CENPK: variants seen among roughly 807,000 people sequenced by gnomAD.
CENPK encodes centromere protein K.
CENPK carries 46 observed loss-of-function variants against 40.9 expected under a neutral mutation model. The ratio of observed to expected loss-of-function variants is 1.13; its 90% CI spans 0.89 to 1.44. The LOEUF is 1.44. CENPK is among the 40% of genes most tolerant of loss of function. CENPK has a pLI of 0.00. For synonymous variants in CENPK, 107 were observed against 104.4 expected (o/e 1.02, Z -0.15); for missense variants, 288 against 303.5 (o/e 0.95, Z 0.38).
chr5:65,506,795 AAAG>A, the CENPK span, among the ~76,000 whole-genome samples: 5 of 152,186 alleles, frequency 3.3e-5, no homozygotes, highest in Non-Finnish European at 5.9e-5. Context: ...AAAAAAAAAA[AAAG>A]TCTTTTAAAA....
chr5:65,544,220 GA>G (rs906776006), intron 5 of CENPK, among the ~76,000 whole-genome samples: 3 of 151,856 alleles, frequency 2.0e-5, no homozygotes, highest in African/African-American at 7.2e-5. Flanking sequence ...GGCAAAAGGG[GA>G]AAAAAAGACT....
chr5:65,549,121 C>A (rs1281727117), intron 5 of CENPK, among the ~76,000 whole-genome samples: 1 of 152,138 alleles, frequency 6.6e-6, no homozygotes, highest in African/African-American at 2.4e-5. Flanking sequence ...GTTGCATCAA[C>A]AGACATGAGA....
At chr5:65,508,430 T>C in the CENPK span, among the ~76,000 whole-genome samples, 3 of 152,282 alleles carry the variant, frequency 2.0e-5, no homozygotes, top group African/African-American at 7.2e-5. Context: ...CAAAACTATC[T>C]CCTTATAACA....
At chr5:65,538,072 C>T (rs1348161884) in intron 6 of CENPK, among the ~76,000 whole-genome samples, 1 of 152,078 alleles carries the variant, frequency 6.6e-6, no homozygotes. Flanking sequence ...TCTTTACCAA[C>T]CCATGTTATT....
chr5:65,545,032 A>G (rs1581033394), intron 5 of CENPK, among the ~76,000 whole-genome samples: 1 of 152,162 alleles, frequency 6.6e-6, no homozygotes, highest in Admixed American at 6.6e-5. Context: ...ATTTTACCAC[A>G]ATTAAAAAAT....
chr5:65,550,165 A>C, intron 5 of CENPK, among the ~76,000 whole-genome samples: 1 of 95,490 alleles, frequency 1.0e-5, no homozygotes, highest in Admixed American at 1.4e-4. Context: ...ACAGAGCAAG[A>C]CTCCATCTCA....
At chr5:65,499,651 CT>C in the CENPK span, among the ~76,000 whole-genome samples, 37 of 125,766 alleles carry the variant, frequency 2.9e-4, no homozygotes, top group African/African-American at 8.0e-4. Context: ...AATATTAGAT[CT>C]TTTTTTTTTT....
the CENPK span, among the ~76,000 whole-genome samples, chr5:65,503,401 C>T: frequency 2.6e-5 from 4 of 152,032 alleles, no homozygotes; most frequent in Non-Finnish European, 4.4e-5. Flanking sequence ...CCATTATGTC[C>T]GGCCTATAAT....
chr5:65,546,597 C>T (rs187006998), intron 5 of CENPK, among the ~76,000 whole-genome samples: 188 of 152,230 alleles, frequency 1.2e-3, no homozygotes, highest in African/African-American at 4.3e-3. Flanking sequence ...ATCCCCAATA[C>T]CTTTGAATAT....
rs377470565 is a variant in CENPK at position 65,527,469 on chromosome 5, T to A, written c.597+983A>T. On this transcript the variant is annotated intron_variant, in intron 9 of 10. Transcript: ENST00000396679. Reference sequence around the variant, plus strand: ...ATTAAACATATTATTATTCAATGATTACTGCAATTTCAAAAGTCTTATTAA... The same window carrying A: ...ATTAAACATATTATTATTCAATGATAACTGCAATTTCAAAAGTCTTATTAA... Among the ~76,000 whole-genome samples, 16 of 133,970 alleles carry A rather than the reference T, an allele frequency of 1.2e-4. No homozygotes were observed. The East Asian group carries it at 3.5e-3, about 29-fold the overall frequency. 87.9% of individuals were successfully genotyped at this position (133,970 alleles called of 152,430 possible).
the CENPK span, among the ~76,000 whole-genome samples, chr5:65,500,579 C>A: frequency 6.6e-6 from 1 of 152,088 alleles, no homozygotes; most frequent in Non-Finnish European, 1.5e-5. Flanking sequence ...TGTCACAGGT[C>A]TTTGAGGCTC....
At chr5:65,525,180 A>G (rs1744462621) in intron 9 of CENPK, among the ~76,000 whole-genome samples, 1 of 152,078 alleles carries the variant, frequency 6.6e-6, no homozygotes, top group Non-Finnish European at 1.5e-5. Flanking sequence ...CCAATATGGT[A>G]AAATTCCATC....
intron 6 of CENPK, among the ~76,000 whole-genome samples, chr5:65,537,794 T>C (rs75909203): frequency 0.2 from 30,078 of 152,140 alleles, 3,494 homozygotes; most frequent in South Asian, 0.32. Context: ...TTAGGATATA[T>C]TGCATTTTAT....
the CENPK span, among the ~76,000 whole-genome samples, chr5:65,503,959 TA>T: frequency 0.37 from 56,065 of 150,544 alleles, 10,652 homozygotes; most frequent in East Asian, 0.58. Flanking sequence ...CCCGGCCTGC[TA>T]AAAAAATTTT....
At chr5:65,522,198 C>T (rs11948255) in intron 9 of CENPK, among the ~76,000 whole-genome samples, 6,101 of 152,260 alleles carry the variant, frequency 0.04, 167 homozygotes, top group Middle Eastern at 0.082. Context: ...TACATTTATG[C>T]AGTTTCAGTA....
chr5:65,528,667 T>C (rs1745179523), intron 8 of CENPK, 89 bp from the exon 9 acceptor site: 18 of 1,367,812 alleles, frequency 1.3e-5, no homozygotes, highest in Non-Finnish European at 1.5e-5. Flanking sequence ...GATCAAAAAC[T>C]TTGTTAAAAC....
At chr5:65,520,394 GTAT>G (rs1341532025) in intron 10 of CENPK, among the ~76,000 whole-genome samples, 4 of 151,914 alleles carry the variant, frequency 2.6e-5, no homozygotes, top group African/African-American at 9.7e-5. Context: ...ACAGTCTTAG[GTAT>G]TTCTTTACAG....
chr5:65,551,869 T>C (rs1416563682), intron 4 of CENPK, among the ~76,000 whole-genome samples: 2 of 152,120 alleles, frequency 1.3e-5, no homozygotes, highest in South Asian at 4.1e-4. Flanking sequence ...GTCCTTTTTT[T>C]AGGCCAAGAG....
At chr5:65,526,476 T>A (rs533131828) in intron 9 of CENPK, among the ~76,000 whole-genome samples, 16 of 152,196 alleles carry the variant, frequency 1.1e-4, no homozygotes, top group African/African-American at 3.6e-4. Flanking sequence ...AAACAGAACT[T>A]TTTCTCCTTT....
Sources: allele counts gnomAD v4.1 joint callset (sites outside exome capture counted in the v4.1 genomes callset), GRCh38; gene constraint gnomAD v4.1.1; transcripts MANE v1.5; gene names NCBI Gene and HGNC (gene_info 2026-07-23, HGNC 2026-07-21).